Variants in SP100 observed in about 807,000 individuals in gnomAD.
SP100 encodes the protein nuclear autoantigen Sp-100.
Under a neutral mutation model 130.0 loss-of-function variants are expected in SP100, and 84 were observed. That is an observed-to-expected ratio of 0.65 (90% confidence interval 0.54 to 0.77). SP100 has a LOEUF of 0.77. Among genes scored for constraint, SP100 ranks in the 30% least tolerant of loss-of-function variants. SP100 has a pLI of 0.00. For missense variants in SP100, 978 were observed against 1,052.2 expected (o/e 0.93, Z 0.97); for synonymous variants, 331 against 351.7 (o/e 0.94, Z 0.66).
chr2:230,483,731 G>T (rs1236919704), intron 17 of SP100, among the ~76,000 whole-genome samples: 1 of 151,906 alleles, frequency 6.6e-6, no homozygotes, highest in Non-Finnish European at 1.5e-5. Flanking sequence ...GATACGTGTG[G>T]GTATGTATTC....
At position 230,445,010 on chromosome 2, in the gene SP100, C is replaced by A. The variant is rs554992345; in HGVS notation, c.439+664C>A. ...CCAGAATATGAGCAAGAAAGTTAACCCTGGGTCAAGTTTGCCTTCAGTGAA... is the reference window on the plus strand; with the variant it reads ...CCAGAATATGAGCAAGAAAGTTAACACTGGGTCAAGTTTGCCTTCAGTGAA... On this transcript the variant is annotated intron_variant, in intron 4 of 28. Coordinates refer to ENST00000340126, the MANE Select transcript of SP100 (RefSeq NM_001080391.2). Among the ~76,000 whole-genome samples the A allele has an allele frequency of 4.5e-4, 69 of 152,256 alleles. 1 individual carries two copies. The highest frequency in any genetic ancestry group is 1.4e-3 in the African/African-American group (60 of 41,536).
rs750389091 is a variant in SP100 at position 230,522,476 on chromosome 2, C to CTTTTTTTTT, written c.2094+11324_2094+11332dup. On this transcript the variant is annotated intron_variant, in intron 24 of 28. Coordinates refer to ENST00000340126, the MANE Select transcript of SP100 (RefSeq NM_001080391.2). ...TTTAGTGCTCTTTGGCCCCAGTGTT[C>CTTTTTTTTT]TTTTTTTTTTTTTTTTTTTTTTGAG... Among the ~76,000 whole-genome samples the CTTTTTTTTT allele has an allele frequency of 7.7e-4, 63 of 82,120 alleles. 6 individuals are homozygous for CTTTTTTTTT. The highest frequency in any genetic ancestry group is 1.2e-3 in the African/African-American group (25 of 20,058). The allele number at this position is 82,120 out of a possible 152,430, so 53.9% of individuals were successfully genotyped here. A position where few individuals can be genotyped will look rare whatever the true frequency, so the allele number is the denominator to read the frequency against.
intron 27 of SP100, 107 bp from the exon 28 acceptor site, chr2:230,541,785 T>G (rs1320344848): frequency 2.4e-6 from 3 of 1,226,498 alleles, no homozygotes; most frequent in Non-Finnish European, 3.4e-6. Flanking sequence ...ACAGGGGGGT[T>G]AGGATTTTGA....
At chr2:230,528,573 A>T (rs1691542927) in intron 24 of SP100, among the ~76,000 whole-genome samples, 1 of 152,238 alleles carries the variant, frequency 6.6e-6, no homozygotes, top group Non-Finnish European at 1.5e-5. Context: ...GAAACAACTA[A>T]GATCAGAGCA....
Position 230,542,791 on chromosome 2 carries a change from G to A in SP100, c.2548-45G>A, listed in dbSNP as rs1692230587. ...ATTATCTGCAACACTGGGTGTCTCA[G>A]CTCATTGCATAACTGCTATATTGTT... On this transcript the variant is annotated intron_variant, in intron 28 of 28. Transcript: ENST00000340126. The A allele has an allele frequency of 2.6e-6, 3 of 1,157,744 alleles. No homozygotes were observed. The South Asian group carries it at 3.7e-5, about 14-fold the overall frequency. 71.7% of individuals were successfully genotyped at this position (1,157,744 alleles called of 1,614,324 possible). A position where few individuals can be genotyped will look rare whatever the true frequency, so the allele number is the denominator to read the frequency against.
chr2:230,429,155 T>C (rs973504), intron 2 of SP100, among the ~76,000 whole-genome samples: 101,360 of 152,024 alleles, frequency 0.67, 34,867 homozygotes, highest in African/African-American at 0.74. Flanking sequence ...TGGATTCCTT[T>C]AGCTTTTGTT....
intron 24 of SP100, chr2:230,515,272 G>C: frequency 6.2e-7 from 1 of 1,610,300 alleles, no homozygotes; most frequent in Non-Finnish European, 8.5e-7. Flanking sequence ...TCCTAAAGGG[G>C]AGAAAAAAAA....
chr2:230,497,180 C>G (rs1184470065), intron 18 of SP100, among the ~76,000 whole-genome samples: 7 of 152,048 alleles, frequency 4.6e-5, no homozygotes, highest in South Asian at 2.1e-4. Flanking sequence ...ATCTTAAGCC[C>G]CAAATCTTCT....
chr2:230,417,513 G>A, intron 1 of SP100, 78 bp from the exon 2 acceptor site: 2 of 1,509,666 alleles, frequency 1.3e-6, no homozygotes, highest in Admixed American at 2.3e-5. Flanking sequence ...TATTTATCTT[G>A]TCTCTAAACC....
intron 7 of SP100, 101 bp downstream of exon 7, chr2:230,449,811 C>T: frequency 1.1e-5 from 13 of 1,230,030 alleles, no homozygotes; most frequent in Non-Finnish European, 1.5e-5. Context: ...ACCTGTTTAA[C>T]AAGCAGGGGA....
chr2:230,544,402 C>T lies in SP100; in HGVS notation c.*1456C>T, dbSNP rs1209373309. On this transcript the variant is annotated 3_prime_UTR_variant, in exon 29 of 29. Coordinates refer to ENST00000340126, the MANE Select transcript of SP100 (RefSeq NM_001080391.2). ...TGCACACTATGCATCTGACAAAGGT[C>T]TAATAGCCAGCTTCTATAGGGAACT... Among the ~76,000 whole-genome samples the T allele has an allele frequency of 1.3e-5, 2 of 152,288 alleles. No homozygotes were observed. The highest frequency in any genetic ancestry group is 3.4e-3 in the Middle Eastern group (1 of 294).
At chr2:230,536,941 G>T (rs1420485817) in intron 24 of SP100, among the ~76,000 whole-genome samples, 1 of 152,172 alleles carries the variant, frequency 6.6e-6, no homozygotes, top group East Asian at 1.9e-4. Flanking sequence ...TTGCACAACT[G>T]CAAGGAGCAC....
rs553529686 is a variant in SP100, at chr2:230,473,234, T to G, written c.1430-90T>G. On this transcript the variant is annotated intron_variant, in intron 15 of 28. Transcript: ENST00000340126. The stretch of plus-strand genomic sequence containing the variant: ...TAGAGCCCATCCCTTAATTTAGCTG[T>G]GGGGAGTGGGCAGTCACTAATGTTG... The G allele has an allele frequency of 1.6e-4, 122 of 773,964 alleles. 1 individual carries two copies. The highest frequency in any genetic ancestry group is 1.2e-3 in the Admixed American group (59 of 50,498). The allele number at this position is 773,964 out of a possible 1,614,324, so 47.9% of individuals were successfully genotyped here.
At chr2:230,458,536 G>C (rs1368025002) in intron 8 of SP100, among the ~76,000 whole-genome samples, 1 of 152,188 alleles carries the variant, frequency 6.6e-6, no homozygotes, top group Non-Finnish European at 1.5e-5. Flanking sequence ...TAGATAAAGT[G>C]ACATGGTATC....
chr2:230,471,829 GT>G (rs2065276612), intron 15 of SP100, among the ~76,000 whole-genome samples: 1 of 152,164 alleles, frequency 6.6e-6, no homozygotes, highest in Non-Finnish European at 1.5e-5. Flanking sequence ...TCAGCTTCAA[GT>G]TTTTCTAAGT....
At position 230,507,738 on chromosome 2, in the gene SP100, T is replaced by A. The variant is rs569041699; in HGVS notation, c.2014-255T>A. On this transcript the variant is annotated intron_variant, in intron 22 of 28. Transcript: ENST00000340126. ...GACAGCATGCAAATCTGCTCCACAATGTGTCAAGAAGTTGGGAGTAATGAG... is the reference window on the plus strand; with the variant it reads ...GACAGCATGCAAATCTGCTCCACAAAGTGTCAAGAAGTTGGGAGTAATGAG... Among the ~76,000 whole-genome samples the A allele has an allele frequency of 2.0e-5, 3 of 152,244 alleles. No individual in the cohort carries two copies. In the East Asian group the frequency reaches 5.8e-4, roughly 29 times the overall value.
intron 24 of SP100, among the ~76,000 whole-genome samples, chr2:230,534,130 G>A (rs777139253): frequency 3.3e-5 from 5 of 152,296 alleles, no homozygotes; most frequent in South Asian, 2.1e-4. Flanking sequence ...AAATGTCAGC[G>A]GGTGCGGTGG....
chr2:230,541,092 G>A, intron 26 of SP100, 96 bp downstream of exon 26: 1 of 1,451,644 alleles, frequency 6.9e-7, no homozygotes. Flanking sequence ...GAGCCCAAAA[G>A]CAAACTGCTG....
At chr2:230,483,006 C>T (rs537735181) in intron 17 of SP100, among the ~76,000 whole-genome samples, 10 of 152,250 alleles carry the variant, frequency 6.6e-5, no homozygotes, top group African/African-American at 1.9e-4. Flanking sequence ...TTTCTATTCA[C>T]GAACATAGAG....
Sources: gnomAD v4.1 joint callset for allele counts (sites outside exome capture counted in the v4.1 genomes callset) on GRCh38, gnomAD v4.1.1 for gene constraint, MANE v1.5 for transcripts, NCBI Gene and HGNC (gene_info 2026-07-23, HGNC 2026-07-21) for gene names.